The following CFAP97 variants were observed in gnomAD, a reference collection of about 807,000 sequenced individuals.
The protein encoded by CFAP97 is cilia and flagella associated protein 97.
A neutral mutation model predicts 43.1 loss-of-function variants in CFAP97; 36 were observed. That is an observed-to-expected ratio of 0.84 (90% CI 0.64 to 1.10). CFAP97 has a LOEUF of 1.10. Among genes scored for constraint, CFAP97 ranks in the 50% least tolerant of loss-of-function variants. The pLI is 0.00. For missense variants in CFAP97, 657 were observed against 620.3 expected, an observed-to-expected ratio of 1.06 and a Z score of -0.63; for synonymous variants, 228 against 225.7, an observed-to-expected ratio of 1.01 and a Z score of -0.09.
intron 1 of CFAP97, 97 bp from the exon 2 acceptor site, chr4:185,191,309 G>T: frequency 1.2e-6 from 1 of 830,926 alleles, no homozygotes; most frequent in South Asian, 2.8e-5. Context: ...TGACAAGTGT[G>T]TTTAATATAT....
At chr4:185,193,488 T>C (rs1245031935) in intron 1 of CFAP97, among the ~76,000 whole-genome samples, 1 of 151,812 alleles carries the variant, frequency 6.6e-6, no homozygotes, top group Non-Finnish European at 1.5e-5. Context: ...CTACTAGAAA[T>C]ACAAAAAATT....
chr4:185,189,364 A>C (rs1011248785), intron 2 of CFAP97, among the ~76,000 whole-genome samples: 4 of 152,240 alleles, frequency 2.6e-5, no homozygotes, highest in Non-Finnish European at 5.9e-5. Context: ...TATGCAATTT[A>C]TCTAGTTAAA....
intron 2 of CFAP97, among the ~76,000 whole-genome samples, chr4:185,184,226 C>T (rs1257338365): frequency 6.6e-6 from 1 of 152,100 alleles, no homozygotes; most frequent in Non-Finnish European, 1.5e-5. Flanking sequence ...TAACAGTATC[C>T]CTGGGTTAAC....
chr4:185,188,766 G>A (rs1736110159), intron 2 of CFAP97, among the ~76,000 whole-genome samples: 1 of 152,088 alleles, frequency 6.6e-6, no homozygotes, highest in Admixed American at 6.5e-5. Flanking sequence ...GGCATGAATA[G>A]AAAACTCTTT....
chr4:185,182,702 T>A (rs901709599), intron 2 of CFAP97, among the ~76,000 whole-genome samples: 3 of 152,250 alleles, frequency 2.0e-5, no homozygotes, highest in Non-Finnish European at 4.4e-5. Flanking sequence ...GGTTCAACAC[T>A]GTCTCGTCAT....
rs765911287 is a variant in CFAP97 at position 185,162,586 on chromosome 4, C to T, written c.*212G>A. 2 of 546,270 alleles carry T rather than the reference C, an allele frequency of 3.7e-6. No individual in the cohort carries two copies. Among genetic ancestry groups the T allele is most frequent in the Non-Finnish European group, 6.4e-6 (2 of 310,188 alleles). The allele number at this position is 546,270 out of a possible 1,614,324, so 33.8% of individuals were successfully genotyped here. ...ACTATTTCTCTATTAAGAACACATACATCTCATATAAATACATCCTCAGGA... is the reference window on the plus strand; with the variant it reads ...ACTATTTCTCTATTAAGAACACATATATCTCATATAAATACATCCTCAGGA... On this transcript the variant is annotated 3_prime_UTR_variant, in exon 5 of 5. Coordinates refer to ENST00000458385, the MANE Select transcript of CFAP97 (RefSeq NM_020827.3).
At chr4:185,169,566 AC>A in intron 3 of CFAP97, 1 of 959,794 alleles carries the variant, frequency 1.0e-6, no homozygotes, top group Non-Finnish European at 1.2e-6. Flanking sequence ...ATGGACTAAT[AC>A]ACTTGTCCAA....
chr4:185,185,793 C>T (rs375651743), intron 2 of CFAP97, among the ~76,000 whole-genome samples: 47 of 151,966 alleles, frequency 3.1e-4, no homozygotes, highest in Admixed American at 5.9e-4. Flanking sequence ...GCACACACCA[C>T]CATGCCTAGC....
Position 185,197,427 on chromosome 4 carries a change from AT to A in CFAP97, c.-16-6216del, listed in dbSNP as rs200250759. On this transcript the variant is annotated intron_variant, in intron 1 of 4. Transcript: ENST00000458385. Reference sequence around the variant, plus strand: ...ATATTAAAAGAAAAGTTGTTTTTGAATTTTTTTTTTTTTTTTGAGACAGAGT... The same window carrying A: ...ATATTAAAAGAAAAGTTGTTTTTGAATTTTTTTTTTTTTTTGAGACAGAGT... Among the ~76,000 whole-genome samples the A allele has an allele frequency of 7.6e-3, 1,090 of 144,318 alleles. 7 individuals carry two copies. The highest frequency in any genetic ancestry group is 0.019 in the African/African-American group (758 of 39,692). The allele number at this position is 144,318 out of a possible 152,430, so 94.7% of individuals were successfully genotyped here.
intron 2 of CFAP97, among the ~76,000 whole-genome samples, chr4:185,188,475 T>TGAG (rs1736099018): frequency 6.6e-6 from 1 of 152,110 alleles, no homozygotes; most frequent in South Asian, 2.1e-4. Context: ...CCCGAGTACC[T>TGAG]GAGAATACAG....
chr4:185,162,747 C>A lies in CFAP97; in HGVS notation c.*51G>T. On this transcript the variant is annotated 3_prime_UTR_variant, in exon 5 of 5. Coordinates refer to ENST00000458385, the MANE Select transcript of CFAP97 (RefSeq NM_020827.3). ...ACACAGAGAATTATAGGAATATGCACGAGCACTTCAAGAAAAGTTGTGTGA... is the reference window on the plus strand; with the variant it reads ...ACACAGAGAATTATAGGAATATGCAAGAGCACTTCAAGAAAAGTTGTGTGA... 5.1e-6 allele frequency: 8 copies of A among 1,574,248 alleles called. No individual in the cohort carries two copies. The highest frequency in any genetic ancestry group is 4.3e-6 in the Non-Finnish European group (5 of 1,152,134).
Position 185,161,871 on chromosome 4 carries a change from T to C in CFAP97, c.*927A>G, listed in dbSNP as rs1734885213. On this transcript the variant is annotated 3_prime_UTR_variant, in exon 5 of 5. Coordinates refer to ENST00000458385, the MANE Select transcript of CFAP97 (RefSeq NM_020827.3). Reference sequence around the variant, plus strand: ...CTGGAATTTCTAAAGCATTTCTTTCTTACGCTAAGTCTTCTCTAATAACAT... The same window carrying C: ...CTGGAATTTCTAAAGCATTTCTTTCCTACGCTAAGTCTTCTCTAATAACAT... 2 of 152,242 alleles carry C rather than the reference T, an allele frequency of 1.3e-5. No homozygotes were observed. Among genetic ancestry groups the C allele is most frequent in the Non-Finnish European group, 2.9e-5 (2 of 68,042 alleles). The allele number at this position is 152,242 out of a possible 1,614,324, so 9.4% of individuals were successfully genotyped here.
At chr4:185,178,326 CA>C (rs1270147609) in intron 2 of CFAP97, among the ~76,000 whole-genome samples, 1 of 137,114 alleles carries the variant, frequency 7.3e-6, no homozygotes, top group Non-Finnish European at 1.5e-5. Context: ...TGGTTCACTG[CA>C]ACCTCTGCCT....
rs1423827256 is a variant in CFAP97 at position 185,169,772 on chromosome 4, C to T, written c.1321-5593G>A. The T allele has an allele frequency of 5.1e-6, 5 of 985,242 alleles. No homozygotes were observed. The African/African-American group carries it at 7.0e-5, about 14-fold the overall frequency. The allele number at this position is 985,242 out of a possible 1,614,324, so 61.0% of individuals were successfully genotyped here. On this transcript the variant is annotated intron_variant, in intron 3 of 4. Transcript: ENST00000458385. ...GGACACTAAAAAGTAACAACTGTCC[C>T]CCACACAGGCAGAATCAAGACGACT...
intron 3 of CFAP97, among the ~76,000 whole-genome samples, chr4:185,168,523 C>T (rs1735160403): frequency 6.6e-6 from 1 of 152,076 alleles, no homozygotes; most frequent in Non-Finnish European, 1.5e-5. Flanking sequence ...AGGGGAATCA[C>T]TTGAACCTGG....
chr4:185,193,924 A>G (rs1047883140), intron 1 of CFAP97, among the ~76,000 whole-genome samples: 3 of 144,650 alleles, frequency 2.1e-5, no homozygotes, highest in African/African-American at 7.5e-5. Flanking sequence ...GAATTCTAAC[A>G]TTACTTGGAA....
chr4:185,174,017 G>A (rs962219174), intron 3 of CFAP97, among the ~76,000 whole-genome samples: 7 of 152,016 alleles, frequency 4.6e-5, no homozygotes, highest in African/African-American at 1.7e-4. Flanking sequence ...CCAAAGCTAG[G>A]CAACCTGGAT....
In CFAP97 at chr4:185,190,714, G is replaced by A. The variant is rs992556043; in HGVS notation, c.483C>T (p.Ser161=). 9.5e-6 allele frequency: 15 copies of A among 1,571,726 alleles called. No individual in the cohort carries two copies. Among genetic ancestry groups the A allele is most frequent in the Middle Eastern group, 1.7e-4 (1 of 6,030 alleles). The stretch of plus-strand genomic sequence containing the variant: ...TAACTTTGCAATACTTTTTCCTTAT[G>A]CTTTTTTTAACGTTAGTAGATGGTT... ...SAKPSTNVKK[S]IRKKYCKVSS... The change falls in exon 2 of 5, where the codon AGC becomes AGT. Residue 161 remains serine, a synonymous_variant. Transcript: ENST00000458385.
intron 4 of CFAP97, among the ~76,000 whole-genome samples, chr4:185,163,719 C>T (rs927966037): frequency 6.6e-6 from 1 of 152,096 alleles, no homozygotes; most frequent in African/African-American, 2.4e-5. Flanking sequence ...GTTTTAGCAG[C>T]TTTTAAACAG....
Sources: allele counts gnomAD v4.1 joint callset (sites outside exome capture counted in the v4.1 genomes callset), GRCh38; gene constraint gnomAD v4.1.1; transcripts MANE v1.5; gene names NCBI Gene and HGNC (gene_info 2026-07-23, HGNC 2026-07-21).